PDZD2: variants seen among roughly 807,000 people sequenced by gnomAD.
The protein encoded by PDZD2 is PDZ domain-containing protein 2.
A neutral mutation model predicts 220.7 loss-of-function variants in PDZD2; 90 were observed. The observed-to-expected ratio is 0.41, with a 90% CI of 0.34 to 0.49. PDZD2 has a LOEUF of 0.49. PDZD2 is among the 20% of genes least tolerant of loss of function. The pLI, the probability that PDZD2 is intolerant of heterozygous loss-of-function variation, is 0.28. For synonymous variants in PDZD2, 1,375 were observed against 1,450.5 expected, an observed-to-expected ratio of 0.95 and a Z score of 1.18; for missense variants, 3,174 against 3,608.5, an observed-to-expected ratio of 0.88 and a Z score of 3.08.
chr5:32,089,707 A>G lies in PDZD2; in HGVS notation c.6259A>G (p.Thr2087Ala). Residue 2087 changes from threonine to alanine, a missense_variant, in exon 20 of 25, where the codon ACA becomes GCA. This residue lies in a region of PDZD2 where 1,861 missense variants were observed against 2,001.0 expected (regional missense o/e 0.93). Coordinates refer to ENST00000438447, the MANE Select transcript of PDZD2 (RefSeq NM_178140.4). The stretch of plus-strand genomic sequence containing the variant: ...AATGGCCAGCGATCGCCTCGAAAGA[A>G]CAAACCAGCTGAAAATCGTGGAGAT... Reference protein sequence around the residue: ...NIMASDRLERTNQLKIVEISA... With the variant: ...NIMASDRLERANQLKIVEISA... 1 of 1,614,226 alleles carries G rather than the reference A, an allele frequency of 6.2e-7. No homozygotes were observed. The highest frequency in any genetic ancestry group is 8.5e-7 in the Non-Finnish European group (1 of 1,180,036).
chr5:31,694,865 TG>T (rs1747313549), intron 1 of PDZD2, among the ~76,000 whole-genome samples: 3 of 151,942 alleles, frequency 2.0e-5, no homozygotes, highest in Admixed American at 1.3e-4. Context: ...GGCTCACGCC[TG>T]TAATCCCAGC....
intron 2 of PDZD2, among the ~76,000 whole-genome samples, chr5:31,957,924 GATT>G (rs1271647259): frequency 2.0e-5 from 3 of 152,272 alleles, no homozygotes; most frequent in African/African-American, 7.2e-5. Context: ...GAGGCAGTGT[GATT>G]ACAAGTCACA....
intron 2 of PDZD2, among the ~76,000 whole-genome samples, chr5:31,861,065 T>C (rs997133252): frequency 2.0e-5 from 3 of 152,224 alleles, no homozygotes; most frequent in Non-Finnish European, 2.9e-5. Context: ...GTGGAGTTTC[T>C]AGGGAAGGTA....
intron 3 of PDZD2, among the ~76,000 whole-genome samples, chr5:31,988,484 CTCCTGGCATGTGGATGTATTCACCA>C (rs1184898001): frequency 2.1e-4 from 30 of 143,536 alleles, no homozygotes; most frequent in African/African-American, 8.0e-4. Context: ...TGTATTCACC[CTCCTGGCATGTGGATGTATTCACCA>C]TCCTGGAAGC....
chr5:32,034,602 C>T (rs1172895887), intron 6 of PDZD2, among the ~76,000 whole-genome samples: 1 of 152,002 alleles, frequency 6.6e-6, no homozygotes, highest in Non-Finnish European at 1.5e-5. Flanking sequence ...CTCAAGTGAT[C>T]CACCCGTCTC....
chr5:31,908,771 G>T, intron 2 of PDZD2: 1 of 906,058 alleles, frequency 1.1e-6, no homozygotes, highest in Non-Finnish European at 1.7e-6. Flanking sequence ...CTGGCCGGGC[G>T]TGGTGGCTCA....
At position 32,110,511 on chromosome 5, in the gene PDZD2, C is replaced by CACTT. The variant is rs1745287697; in HGVS notation, c.*2377_*2380dup. On this transcript the variant is annotated 3_prime_UTR_variant, in exon 25 of 25. Coordinates refer to ENST00000438447, the MANE Select transcript of PDZD2 (RefSeq NM_178140.4). ...TTCTAATTAGCCTAATAAATTCCCA[C>CACTT]ACTTTCTGAAGTGAACACTAATGGT... 6.6e-6 allele frequency: 1 copy of CACTT among 152,658 alleles called. No individual in the cohort carries two copies. The highest frequency in any genetic ancestry group is 2.1e-4 in the South Asian group (1 of 4,836). The allele number at this position is 152,658 out of a possible 1,614,324, so 9.5% of individuals were successfully genotyped here.
chr5:32,027,493 T>C (rs1441712317), intron 6 of PDZD2, among the ~76,000 whole-genome samples: 2 of 152,188 alleles, frequency 1.3e-5, no homozygotes, highest in Non-Finnish European at 2.9e-5. Flanking sequence ...GCAGTATTAA[T>C]TCATTTGCGG....
At chr5:31,675,236 C>T (rs2150120207) in intron 1 of PDZD2, among the ~76,000 whole-genome samples, 1 of 152,298 alleles carries the variant, frequency 6.6e-6, no homozygotes, top group Non-Finnish European at 1.5e-5. Context: ...CTCTTTGCGT[C>T]AGTGTTGGAG....
intron 1 of PDZD2, among the ~76,000 whole-genome samples, chr5:31,720,289 A>G (rs201903784): frequency 1.3e-5 from 2 of 152,238 alleles, no homozygotes; most frequent in East Asian, 3.9e-4. Flanking sequence ...AACTTCTGCA[A>G]ATAGAATGTG....
intron 1 of PDZD2, among the ~76,000 whole-genome samples, chr5:31,643,790 T>C (rs773462614): frequency 6.6e-6 from 1 of 152,062 alleles, no homozygotes; most frequent in Non-Finnish European, 1.5e-5. Flanking sequence ...TAAGTAGATA[T>C]GTGCCAAATT....
intron 5 of PDZD2, among the ~76,000 whole-genome samples, chr5:32,006,042 G>A (rs925936708): frequency 6.6e-6 from 1 of 151,808 alleles, no homozygotes. Flanking sequence ...AGCTACTAGG[G>A]AGGCTGAGGC....
intron 1 of PDZD2, among the ~76,000 whole-genome samples, chr5:31,664,503 T>TAC (rs1043845517): frequency 2.0e-5 from 3 of 149,060 alleles, no homozygotes; most frequent in Admixed American, 1.3e-4. Flanking sequence ...TACACACACA[T>TAC]ACACACACAC....
chr5:32,080,547 G>C (rs777138475), intron 19 of PDZD2, among the ~76,000 whole-genome samples: 33 of 152,092 alleles, frequency 2.2e-4, no homozygotes, highest in Non-Finnish European at 1.5e-5. Flanking sequence ...CTTTGGAATA[G>C]AAGAGGGACA....
chr5:32,010,088 A>AAAAAAAAAAAG (rs945480757), intron 5 of PDZD2, among the ~76,000 whole-genome samples: 11 of 151,884 alleles, frequency 7.2e-5, no homozygotes, highest in Admixed American at 2.0e-4. Flanking sequence ...CTGTCTCAAA[A>AAAAAAAAAAAG]AAAAGAAAAA....
At position 31,870,186 on chromosome 5, in the gene PDZD2, G is replaced by A. The variant is rs373267661; in HGVS notation, c.476+70462G>A. Among the ~76,000 whole-genome samples the A allele has an allele frequency of 1.6e-4, 25 of 152,210 alleles. No homozygotes were observed. In the East Asian group the frequency reaches 4.6e-3, roughly 28 times the overall value. On this transcript the variant is annotated intron_variant, in intron 2 of 24. Transcript: ENST00000438447. Reference sequence around the variant, plus strand: ...CAGGACTTAGTACCATACCGTCTGAGTCACCTGCTGAGGGAAAAGGGCATT... The same window carrying A: ...CAGGACTTAGTACCATACCGTCTGAATCACCTGCTGAGGGAAAAGGGCATT...
intron 2 of PDZD2, among the ~76,000 whole-genome samples, chr5:31,921,521 C>CA (rs1433707516): frequency 2.6e-5 from 4 of 151,350 alleles, no homozygotes; most frequent in Admixed American, 2.6e-4. Context: ...CTGTCTCTTC[C>CA]AAAAATACAA....
intron 2 of PDZD2, among the ~76,000 whole-genome samples, chr5:31,881,360 G>GTGTGTGTGTA: frequency 7.5e-6 from 1 of 133,616 alleles, no homozygotes; most frequent in Non-Finnish European, 1.5e-5. Flanking sequence ...GTGTGTGTGT[G>GTGTGTGTGTA]TGTGTGTGTA....
intron 6 of PDZD2, among the ~76,000 whole-genome samples, chr5:32,010,996 C>T (rs1280531977): frequency 1.0e-4 from 10 of 96,920 alleles, no homozygotes; most frequent in Admixed American, 4.0e-4. Flanking sequence ...GACTCCCTCT[C>T]CAAAAACCTC....
Sources: allele counts gnomAD v4.1 joint callset (sites outside exome capture counted in the v4.1 genomes callset), GRCh38; gene constraint gnomAD v4.1.1; regional missense constraint gnomAD v4.1.1; transcripts MANE v1.5; gene names NCBI Gene and HGNC (gene_info 2026-07-23, HGNC 2026-07-21).